SPON1: variants seen among roughly 807,000 people sequenced by gnomAD.
SPON1 encodes spondin 1, also known as spondin-1.
SPON1 carries 52 observed loss-of-function variants against 111.7 expected under a neutral mutation model. The observed-to-expected ratio is 0.47, with a 90% CI of 0.37 to 0.59. The LOEUF is 0.59. SPON1 is among the 20% of genes least tolerant of loss of function. SPON1 has a pLI of 0.00. For missense variants in SPON1, 957 were observed against 1,068.5 expected (o/e 0.90, Z 1.46); for synonymous variants, 410 against 395.8 (o/e 1.04, Z -0.43).
chr11:14,080,382 C>A (rs1238110691), intron 5 of SPON1, among the ~76,000 whole-genome samples: 1 of 151,992 alleles, frequency 6.6e-6, no homozygotes, highest in Non-Finnish European at 1.5e-5. Flanking sequence ...GTATGGGCCA[C>A]CATGCCCAGC....
chr11:14,242,829 G>T (rs1554939833), intron 6 of SPON1, among the ~76,000 whole-genome samples: 1 of 152,224 alleles, frequency 6.6e-6, no homozygotes, highest in Non-Finnish European at 1.5e-5. Flanking sequence ...CTTTGTGCTG[G>T]CCTCCTCGTC....
intron 2 of SPON1, among the ~76,000 whole-genome samples, chr11:14,005,615 G>A (rs61884817): frequency 3.9e-5 from 6 of 152,336 alleles, no homozygotes; most frequent in Non-Finnish European, 7.3e-5. Flanking sequence ...TACTCTTGCT[G>A]TGTAACTTTA....
chr11:13,982,965 C>A lies in SPON1; in HGVS notation c.345+12C>A. 6.6e-7 allele frequency: 1 copy of A among 1,522,426 alleles called. No homozygotes were observed. The highest frequency in any genetic ancestry group is 1.4e-5 in the African/African-American group (1 of 72,528). 94.3% of individuals were successfully genotyped at this position (1,522,426 alleles called of 1,614,324 possible). A position where few individuals can be genotyped will look rare whatever the true frequency, so the allele number is the denominator to read the frequency against. Reference sequence around the variant, plus strand: ...CTGGGACCTTCCAGGTAAGACCCTGCCTGGGCTTATTCAGTGGCCCTCCCT... The same window carrying A: ...CTGGGACCTTCCAGGTAAGACCCTGACTGGGCTTATTCAGTGGCCCTCCCT... On this transcript the variant is annotated intron_variant, in intron 2 of 15. Transcript: ENST00000576479.
At chr11:14,107,882 T>C (rs1221866928) in intron 5 of SPON1, among the ~76,000 whole-genome samples, 1 of 152,206 alleles carries the variant, frequency 6.6e-6, no homozygotes, top group Non-Finnish European at 1.5e-5. Context: ...AATAATGGAC[T>C]ATTGTGAGTC....
chr11:14,242,501 GC>G (rs201652315), intron 6 of SPON1, among the ~76,000 whole-genome samples: 1 of 152,152 alleles, frequency 6.6e-6, no homozygotes, highest in Non-Finnish European at 1.5e-5. Flanking sequence ...TCTAGGGAAA[GC>G]CCCCCACCAG....
chr11:14,248,972 C>G (rs1849023685), intron 7 of SPON1, among the ~76,000 whole-genome samples: 1 of 152,194 alleles, frequency 6.6e-6, no homozygotes, highest in Non-Finnish European at 1.5e-5. Context: ...TTCCTAGTTC[C>G]TCCGGTGCCT....
At chr11:14,024,470 G>A (rs138092407) in intron 2 of SPON1, among the ~76,000 whole-genome samples, 1 of 152,178 alleles carries the variant, frequency 6.6e-6, no homozygotes, top group Non-Finnish European at 1.5e-5. Flanking sequence ...GTCTTCCCCT[G>A]GAGTCAGGCT....
intron 2 of SPON1, among the ~76,000 whole-genome samples, chr11:14,039,361 G>T (rs950924285): frequency 6.6e-6 from 1 of 152,134 alleles, no homozygotes; most frequent in Non-Finnish European, 1.5e-5. Context: ...GTTAATATAG[G>T]CTCATTGATT....
intron 2 of SPON1, among the ~76,000 whole-genome samples, chr11:14,019,162 A>G (rs1554914574): frequency 6.6e-6 from 1 of 152,048 alleles, no homozygotes; most frequent in Non-Finnish European, 1.5e-5. Context: ...TAGTATTTGG[A>G]TGTATGGAGT....
intron 6 of SPON1, among the ~76,000 whole-genome samples, chr11:14,165,280 A>G (rs1254861661): frequency 1.3e-5 from 2 of 152,132 alleles, no homozygotes; most frequent in South Asian, 4.1e-4. Flanking sequence ...GGTGATTTCA[A>G]TCCCTCCTTT....
chr11:14,210,997 T>A (rs139303371), intron 6 of SPON1, among the ~76,000 whole-genome samples: 4,830 of 152,296 alleles, frequency 0.032, 107 homozygotes, highest in Non-Finnish European at 0.049. Flanking sequence ...GCTGTTTTGG[T>A]TACTGTAGAC....
intron 5 of SPON1, among the ~76,000 whole-genome samples, chr11:14,113,023 C>T (rs1317308124): frequency 6.6e-6 from 1 of 152,216 alleles, no homozygotes; most frequent in Non-Finnish European, 1.5e-5. Context: ...GGTCTTGATT[C>T]TGACAGCACC....
intron 6 of SPON1, among the ~76,000 whole-genome samples, chr11:14,233,214 T>C (rs1484117262): frequency 6.6e-6 from 1 of 152,174 alleles, no homozygotes; most frequent in Non-Finnish European, 1.5e-5. Context: ...GACCCCTCTT[T>C]GTTTTATACC....
rs189385692 is a variant in SPON1, at chr11:14,019,847, T to C, written c.346-21674T>C. The stretch of plus-strand genomic sequence containing the variant: ...TCACCCTCACCAACAGTGTTCTAAA[T>C]AGGAGAGAAGGAGGATAGTGGGGGA... On this transcript the variant is annotated intron_variant, in intron 2 of 15. Transcript: ENST00000576479. 4.5e-4 allele frequency among the ~76,000 whole-genome samples: 68 copies of C among 152,250 alleles called. 1 individual carries two copies. The highest frequency in any genetic ancestry group is 1.5e-3 in the African/African-American group (61 of 41,548).
Position 14,214,220 on chromosome 11 carries a change from G to A in SPON1, c.826-29112G>A, listed in dbSNP as rs1270760817. ...AACTCTCGGCTCTGGTCCTCTGCGC[G>A]TAGGGCCCCCATCCCTAGCCGGATC... On this transcript the variant is annotated intron_variant, in intron 6 of 15. Coordinates refer to ENST00000576479, the MANE Select transcript of SPON1 (RefSeq NM_006108.4). 2.0e-5 allele frequency among the ~76,000 whole-genome samples: 3 copies of A among 152,192 alleles called. No homozygotes were observed. In the East Asian group the frequency reaches 5.8e-4, roughly 29 times the overall value.
intron 4 of SPON1, 59 bp from the exon 5 acceptor site, chr11:14,079,840 C>A: frequency 2.5e-6 from 4 of 1,597,866 alleles, no homozygotes; most frequent in East Asian, 2.2e-5. Context: ...CATGATAGCA[C>A]CACCTTATAT....
chr11:14,254,609 C>T lies in SPON1; in HGVS notation c.972C>T (p.Pro324=), dbSNP rs552457223. ...MSFLTMMGPS[P]DWNVGLSAED... is the part of the protein sequence containing the mutation. ...TCCTGACCATGATGGGCCCTAGTCCCGACTGGAACGTAGGCTTATCTGCAG... is the reference window on the plus strand; with the variant it reads ...TCCTGACCATGATGGGCCCTAGTCCTGACTGGAACGTAGGCTTATCTGCAG... The change falls in exon 8 of 16, where the codon CCC becomes CCT. Residue 324 remains proline, a synonymous_variant. Coordinates refer to ENST00000576479, the MANE Select transcript of SPON1 (RefSeq NM_006108.4). 10 of 1,613,948 alleles carry T rather than the reference C, an allele frequency of 6.2e-6. No homozygotes were observed. The highest frequency in any genetic ancestry group is 2.2e-5 in the East Asian group (1 of 44,886).
At chr11:14,089,930 C>T (rs1849036482) in intron 5 of SPON1, among the ~76,000 whole-genome samples, 2 of 152,156 alleles carry the variant, frequency 1.3e-5, no homozygotes, top group Non-Finnish European at 2.9e-5. Flanking sequence ...CTGAACTTCC[C>T]AGCCTCCTTA....
intron 6 of SPON1, among the ~76,000 whole-genome samples, chr11:14,172,276 T>A (rs1554932575): frequency 3.3e-5 from 5 of 151,952 alleles, no homozygotes; most frequent in African/African-American, 1.2e-4. Context: ...TGATCTTTGT[T>A]GGTTTAAAGT....
Sources: allele counts gnomAD v4.1 joint callset (sites outside exome capture counted in the v4.1 genomes callset), GRCh38; gene constraint gnomAD v4.1.1; transcripts MANE v1.5; gene names NCBI Gene and HGNC (gene_info 2026-07-23, HGNC 2026-07-21).